The following PRORP variants were observed in gnomAD, a reference collection of about 807,000 sequenced individuals.
The protein encoded by PRORP is protein only RNase P catalytic subunit.
Under a neutral mutation model 59.4 loss-of-function variants are expected in PRORP, and 51 were observed. That is an observed-to-expected ratio of 0.86 (90% confidence interval 0.69 to 1.08). The LOEUF (loss-of-function observed/expected upper bound fraction) is 1.08. Among genes scored for constraint, PRORP ranks in the 50% least tolerant of loss-of-function variants. The pLI, the probability that PRORP is intolerant of heterozygous loss-of-function variation, is 0.00. For missense variants in PRORP, 646 were observed against 690.3 expected (o/e 0.94, Z 0.72); for synonymous variants, 231 against 245.6 (o/e 0.94, Z 0.55).
Position 35,248,283 on chromosome 14 carries a change from A to G in PRORP, c.1276-18444A>G, listed in dbSNP as rs769070880. On this transcript the variant is annotated intron_variant, in intron 5 of 7. Transcript: ENST00000534898. The stretch of plus-strand genomic sequence containing the variant: ...GAGATTCAAAATGCTTTATATAGTG[A>G]GTCAGTCATTAAATACTTTTAGATC... 1.5e-4 allele frequency among the ~76,000 whole-genome samples: 23 copies of G among 152,198 alleles called. 1 individual carries two copies. The highest frequency in any genetic ancestry group is 2.6e-4 in the Non-Finnish European group (18 of 68,024).
At chr14:35,244,067 A>G (rs1249006853) in intron 5 of PRORP, among the ~76,000 whole-genome samples, 2 of 152,170 alleles carry the variant, frequency 1.3e-5, no homozygotes, top group Non-Finnish European at 2.9e-5. Flanking sequence ...TTTATATTCT[A>G]ATTCCTCACA....
intron 5 of PRORP, among the ~76,000 whole-genome samples, chr14:35,218,039 T>C (rs2049650233): frequency 6.6e-6 from 1 of 152,146 alleles, no homozygotes; most frequent in African/African-American, 2.4e-5. Context: ...TAATTTGCAT[T>C]TAAAAAATAA....
At chr14:35,163,728 GTT>G (rs1235580888) in intron 4 of PRORP, among the ~76,000 whole-genome samples, 1 of 152,036 alleles carries the variant, frequency 6.6e-6, no homozygotes, top group Non-Finnish European at 1.5e-5. Context: ...TACTTTAATA[GTT>G]TCTTTTGCTA....
At chr14:35,134,171 C>T (rs1288937253) in intron 4 of PRORP, among the ~76,000 whole-genome samples, 1 of 152,200 alleles carries the variant, frequency 6.6e-6, no homozygotes, top group African/African-American at 2.4e-5. Flanking sequence ...TGTATTGTGG[C>T]TGAGCTGGCA....
chr14:35,198,534 T>C (rs1595290039), intron 5 of PRORP, among the ~76,000 whole-genome samples: 1 of 152,242 alleles, frequency 6.6e-6, no homozygotes, highest in East Asian at 1.9e-4. Flanking sequence ...ATTTTTAAGC[T>C]GATTTTTTCA....
rs1410057667 is a variant in PRORP at position 35,275,365 on chromosome 14, G to A, written c.*1799G>A. On this transcript the variant is annotated 3_prime_UTR_variant, in exon 8 of 8. Transcript: ENST00000534898. ...ATTTAGGAAAATCCAAGGAGGGGAC[G>A]TTTTATCTTCTTACCTATTTACTGA... 3.9e-5 allele frequency: 6 copies of A among 152,142 alleles called. No homozygotes were observed. Among genetic ancestry groups the A allele is most frequent in the Admixed American group, 2.0e-4 (3 of 15,276 alleles). 9.4% of individuals were successfully genotyped at this position (152,142 alleles called of 1,614,324 possible).
At chr14:35,253,704 T>C (rs1461334062) in intron 5 of PRORP, among the ~76,000 whole-genome samples, 1 of 152,178 alleles carries the variant, frequency 6.6e-6, no homozygotes, top group Non-Finnish European at 1.5e-5. Context: ...TTGGTTCTTA[T>C]CTGACATGGT....
chr14:35,177,181 T>A (rs2048474838), intron 4 of PRORP, among the ~76,000 whole-genome samples: 1 of 127,506 alleles, frequency 7.8e-6, no homozygotes, highest in Non-Finnish European at 1.7e-5. Flanking sequence ...GATGTTCATC[T>A]GGGATATTGG....
intron 7 of PRORP, among the ~76,000 whole-genome samples, chr14:35,270,910 C>A (rs186852565): frequency 6.6e-6 from 1 of 151,512 alleles, no homozygotes; most frequent in African/African-American, 2.4e-5. Context: ...GGTGAAACCC[C>A]GTCTCTACTA....
chr14:35,192,187 G>A (rs761148211), intron 5 of PRORP, among the ~76,000 whole-genome samples: 3 of 152,130 alleles, frequency 2.0e-5, no homozygotes, highest in Non-Finnish European at 4.4e-5. Context: ...GGTACACTAG[G>A]ATTTTTCCTG....
intron 4 of PRORP, among the ~76,000 whole-genome samples, chr14:35,134,622 A>G (rs531392601): frequency 6.6e-6 from 1 of 152,036 alleles, no homozygotes; most frequent in East Asian, 1.9e-4. Context: ...CATGACTCTG[A>G]CCGGTACCCC....
At chr14:35,145,583 G>C (rs2047584175) in intron 4 of PRORP, among the ~76,000 whole-genome samples, 1 of 140,764 alleles carries the variant, frequency 7.1e-6, no homozygotes, top group Non-Finnish European at 1.6e-5. Flanking sequence ...AGCTGGGCAT[G>C]GTGGCATGCG....
chr14:35,267,776 A>G (rs8004205), intron 6 of PRORP, among the ~76,000 whole-genome samples: 7,411 of 151,646 alleles, frequency 0.049, 267 homozygotes, highest in African/African-American at 0.098. Flanking sequence ...GCGAGGCTCC[A>G]TCTCAAAAAA....
intron 4 of PRORP, chr14:35,159,005 A>T (rs1424991815): frequency 1.2e-5 from 4 of 337,170 alleles, no homozygotes; most frequent in Non-Finnish European, 2.3e-5. Context: ...CATTTCCATC[A>T]TTCCAGTCGT....
chr14:35,135,576 C>T (rs2047351737), intron 4 of PRORP, among the ~76,000 whole-genome samples: 1 of 152,144 alleles, frequency 6.6e-6, no homozygotes, highest in Non-Finnish European at 1.5e-5. Context: ...AGGGCCTCTC[C>T]TTTCTCATTG....
chr14:35,157,548 C>G (rs184582754), intron 4 of PRORP, among the ~76,000 whole-genome samples: 1 of 152,252 alleles, frequency 6.6e-6, no homozygotes, highest in Non-Finnish European at 1.5e-5. Context: ...CGCTGCCACA[C>G]CCAGCTAATT....
intron 5 of PRORP, among the ~76,000 whole-genome samples, chr14:35,206,337 T>C (rs776112644): frequency 4.6e-4 from 70 of 152,196 alleles, no homozygotes; most frequent in Non-Finnish European, 8.4e-4. Flanking sequence ...GAGGACACTG[T>C]TATTCTGCTT....
intron 4 of PRORP, among the ~76,000 whole-genome samples, chr14:35,164,710 A>G (rs564692488): frequency 1.4e-4 from 22 of 152,314 alleles, no homozygotes; most frequent in Admixed American, 1.2e-3. Flanking sequence ...TACCCATGTA[A>G]CGAACCTCTA....
intron 5 of PRORP, among the ~76,000 whole-genome samples, chr14:35,233,096 C>CCTTTTTTTTT (rs2050123464): frequency 5.8e-5 from 8 of 137,156 alleles, no homozygotes; most frequent in African/African-American, 1.1e-4. Context: ...ACTTCAGTTT[C>CCTTTTTTTTT]CCCTTTTCTT....
Sources: allele counts gnomAD v4.1 joint callset (sites outside exome capture counted in the v4.1 genomes callset), GRCh38; gene constraint gnomAD v4.1.1; transcripts MANE v1.5; gene names NCBI Gene and HGNC (gene_info 2026-07-23, HGNC 2026-07-21).